Variants in CIP2A observed in about 807,000 individuals in gnomAD.
CIP2A encodes the protein cellular inhibitor of PP2A, also known as protein CIP2A.
CIP2A carries 103 observed loss-of-function variants against 110.9 expected under a neutral mutation model. That is an observed-to-expected ratio of 0.93 (90% CI 0.79 to 1.09). The LOEUF (loss-of-function observed/expected upper bound fraction) is 1.09, where lower values mean the gene tolerates loss of function less well. Ranked by LOEUF, CIP2A falls within the 50% of genes least tolerant of loss-of-function variation. The pLI, the probability that CIP2A is intolerant of heterozygous loss-of-function variation, is 0.00. For missense variants in CIP2A, 1,088 were observed against 1,038.4 expected, an observed-to-expected ratio of 1.05 and a Z score of -0.66; for synonymous variants, 381 against 361.6, an observed-to-expected ratio of 1.05 and a Z score of -0.61.
At chr3:108,559,686 ATAAC>A in intron 16 of CIP2A, 67 bp downstream of exon 16, 4 of 780,370 alleles carry the variant, frequency 5.1e-6, no homozygotes, top group Non-Finnish European at 2.0e-6. Context: ...TAACAAATAC[ATAAC>A]TAATATTTTG....
At chr3:108,560,259 C>T (rs975685304) in intron 14 of CIP2A, among the ~76,000 whole-genome samples, 1 of 151,892 alleles carries the variant, frequency 6.6e-6, no homozygotes, top group Non-Finnish European at 1.5e-5. Flanking sequence ...GCAACCTCTG[C>T]CTCCTGGGTT....
intron 8 of CIP2A, 127 bp from the exon 9 acceptor site, chr3:108,569,734 T>C: frequency 1.4e-6 from 1 of 696,448 alleles, no homozygotes; most frequent in East Asian, 2.7e-5. Flanking sequence ...CTTAAGTTTT[T>C]TCTTTCAATA....
chr3:108,579,286 G>A lies in CIP2A; in HGVS notation c.813C>T (p.Leu271=). ...LLKNPKIADY[L]TRYEHFSSCL... is the part of the protein sequence containing the mutation. ...TTGACTGAAGTGAGTCATACCTGGT[G>A]AGATAATCAGCAATTTTAGGATTCT... The change falls in exon 7 of 21, where the codon CTC becomes CTT. Residue 271 remains leucine (L), a synonymous_variant. Coordinates refer to ENST00000295746, the MANE Select transcript of CIP2A (RefSeq NM_020890.3). 1 of 1,608,296 alleles carries A rather than the reference G, an allele frequency of 6.2e-7. No individual in the cohort carries two copies. Among genetic ancestry groups the A allele is most frequent in the Non-Finnish European group, 8.5e-7 (1 of 1,176,214 alleles).
Position 108,554,485 on chromosome 3 carries a change from C to G in CIP2A, c.2215G>C (p.Glu739Gln). Reference protein sequence around the residue: ...KSYMELLQRNESTEKKNKDLQ... With the variant: ...KSYMELLQRNQSTEKKNKDLQ... ...TCTTTATTCTTCTTTTCAGTACTTT[C>G]ATTTCTGAAAAGACAAGAAAATGAG... is the stretch of plus-strand genomic sequence containing the variant. The change falls in exon 18 of 21, where the codon GAA becomes CAA. Residue 739 changes from glutamate (E) to glutamine (Q), a missense_variant. Coordinates refer to ENST00000295746, the MANE Select transcript of CIP2A (RefSeq NM_020890.3). 7.6e-7 allele frequency: 1 copy of G among 1,317,612 alleles called. No homozygotes were observed. Among genetic ancestry groups the G allele is most frequent in the Non-Finnish European group, 1.1e-6 (1 of 931,916 alleles). The allele number at this position is 1,317,612 out of a possible 1,614,324, so 81.6% of individuals were successfully genotyped here.
intron 9 of CIP2A, 47 bp downstream of exon 9, chr3:108,569,342 T>C (rs1487408514): frequency 7.4e-7 from 1 of 1,356,994 alleles, no homozygotes; most frequent in Admixed American, 1.7e-5. Flanking sequence ...AATTGTTAAC[T>C]GAGAGTCACA....
At chr3:108,582,888 A>G (rs1049970032) in intron 3 of CIP2A, 89 bp downstream of exon 3, 1 of 682,146 alleles carries the variant, frequency 1.5e-6, no homozygotes, top group African/African-American at 1.8e-5. Context: ...TATAGCATAT[A>G]TACACTGTAA....
chr3:108,580,922 G>A (rs1213073713), intron 5 of CIP2A, among the ~76,000 whole-genome samples: 1 of 152,158 alleles, frequency 6.6e-6, no homozygotes, highest in Non-Finnish European at 1.5e-5. Context: ...ACCATGCCCA[G>A]CTGATTTAAT....
At chr3:108,572,401 T>C (rs1397899349) in intron 8 of CIP2A, among the ~76,000 whole-genome samples, 2 of 152,084 alleles carry the variant, frequency 1.3e-5, no homozygotes, top group Non-Finnish European at 2.9e-5. Context: ...AATTTCAGTT[T>C]TTCCCCATAT....
chr3:108,588,642 T>C (rs764517855), intron 1 of CIP2A, among the ~76,000 whole-genome samples: 1 of 152,042 alleles, frequency 6.6e-6, no homozygotes, highest in Admixed American at 6.5e-5. Flanking sequence ...GCAAAACAAA[T>C]GAAAGCAGAA....
At chr3:108,557,089 C>A in intron 17 of CIP2A, 129 bp downstream of exon 17, 1 of 514,400 alleles carries the variant, frequency 1.9e-6, no homozygotes, top group Middle Eastern at 5.3e-4. Context: ...AAGTTTCTTG[C>A]TAATTACTTA....
intron 7 of CIP2A, among the ~76,000 whole-genome samples, chr3:108,576,957 T>G (rs1010373957): frequency 6.6e-6 from 1 of 152,126 alleles, no homozygotes; most frequent in Non-Finnish European, 1.5e-5. Flanking sequence ...AATGCTATAA[T>G]GGAGGAATGT....
intron 13 of CIP2A, among the ~76,000 whole-genome samples, chr3:108,562,566 AT>A (rs1938045116): frequency 1.3e-5 from 2 of 152,178 alleles, no homozygotes; most frequent in African/African-American, 2.4e-5. Flanking sequence ...TGAAATCTGA[AT>A]TTTTTTTCAA....
Position 108,555,689 on chromosome 3 carries a change from T to C in CIP2A, c.2211-1200A>G, listed in dbSNP as rs114313946. 3.9e-3 allele frequency among the ~76,000 whole-genome samples: 591 copies of C among 152,312 alleles called. 6 individuals are homozygous for C. Among genetic ancestry groups the C allele is most frequent in the African/African-American group, 0.014 (577 of 41,568 alleles). ...CATTTTTCTACTGACCCCAAATGTT[T>C]AAACAAAGCTGCTCTTCCTTAACCA... On this transcript the variant is annotated intron_variant, in intron 17 of 20. Transcript: ENST00000295746.
Position 108,556,355 on chromosome 3 carries a change from A to G in CIP2A, c.2210+863T>C, listed in dbSNP as rs141145499. 1.8e-3 allele frequency among the ~76,000 whole-genome samples: 271 copies of G among 152,310 alleles called. 4 individuals carry two copies. The East Asian group carries it at 0.039, about 22-fold the overall frequency. ...ACTTTTATGGGTTGGTAGAAAATAC[A>G]TAATTGTTCCTGGTCTTCCCTGTAA... On this transcript the variant is annotated intron_variant, in intron 17 of 20. Transcript: ENST00000295746.
chr3:108,581,340 A>ATTGT, intron 5 of CIP2A, 75 bp downstream of exon 5: 1 of 1,058,842 alleles, frequency 9.4e-7, no homozygotes, highest in Non-Finnish European at 1.4e-6. Context: ...TTTAAAGAAA[A>ATTGT]AGATAAATAC....
chr3:108,569,167 A>AATATATATATATATATATAT (rs1559695577), intron 9 of CIP2A, among the ~76,000 whole-genome samples: 1 of 1,128 alleles, frequency 8.9e-4, no homozygotes, highest in Non-Finnish European at 3.8e-3. Context: ...TGAAATGAGC[A>AATATATATATATATATATAT]CTATATATAT....
At chr3:108,583,172 T>A in intron 2 of CIP2A, 89 bp from the exon 3 acceptor site, 1 of 626,046 alleles carries the variant, frequency 1.6e-6, no homozygotes, top group Admixed American at 3.8e-5. Flanking sequence ...TATGAATTTA[T>A]TATTAAAAAA....
chr3:108,565,524 C>T, intron 11 of CIP2A, 70 bp from the exon 12 acceptor site: 1 of 786,762 alleles, frequency 1.3e-6, no homozygotes, highest in South Asian at 1.8e-5. Context: ...GTCCAAAATT[C>T]TAAAGAAAAT....
At chr3:108,555,584 G>A (rs1178722974) in intron 17 of CIP2A, among the ~76,000 whole-genome samples, 1 of 152,112 alleles carries the variant, frequency 6.6e-6, no homozygotes, top group African/African-American at 2.4e-5. Flanking sequence ...AGAAAATGAA[G>A]GCTGAATTTT....
Sources: allele counts gnomAD v4.1 joint callset (sites outside exome capture counted in the v4.1 genomes callset), GRCh38; gene constraint gnomAD v4.1.1; transcripts MANE v1.5; gene names NCBI Gene and HGNC (gene_info 2026-07-23, HGNC 2026-07-21).